The following ZNRF2 variants were observed in gnomAD, a reference collection of about 807,000 sequenced individuals.
The protein encoded by ZNRF2 is zinc and ring finger 2, also known as E3 ubiquitin-protein ligase ZNRF2.
ZNRF2 carries 16 observed loss-of-function variants against 20.4 expected under a neutral mutation model. The observed-to-expected ratio is 0.79, with a 90% CI of 0.53 to 1.19. The LOEUF is 1.19. ZNRF2 is among the 50% of genes most tolerant of loss of function. The probability of loss-of-function intolerance (pLI) is 0.00; values close to 1 mark genes in which losing one functional copy is unlikely to be tolerated. For synonymous variants in ZNRF2, 178 were observed against 144.9 expected (o/e 1.23, Z -1.64); for missense variants, 363 against 332.4 (o/e 1.09, Z -0.72).
chr7:30,347,212 C>T (rs1373189057), intron 2 of ZNRF2, among the ~76,000 whole-genome samples: 1 of 152,094 alleles, frequency 6.6e-6, no homozygotes, highest in Non-Finnish European at 1.5e-5. Context: ...TTACCTATGT[C>T]GGTCATACTG....
intron 3 of ZNRF2, among the ~76,000 whole-genome samples, chr7:30,357,976 A>G (rs985710980): frequency 3.3e-5 from 5 of 152,200 alleles, no homozygotes; most frequent in Non-Finnish European, 7.4e-5. Flanking sequence ...ATAAGTATCT[A>G]ACAATATATA....
intron 2 of ZNRF2, among the ~76,000 whole-genome samples, chr7:30,324,572 AAAAC>A (rs201136601): frequency 0.018 from 2,741 of 151,686 alleles, 89 homozygotes; most frequent in African/African-American, 0.062. Context: ...AAAAAAAACA[AAAAC>A]AAACAAACAA....
intron 1 of ZNRF2, among the ~76,000 whole-genome samples, chr7:30,311,264 G>A (rs1799288347): frequency 6.6e-6 from 1 of 152,154 alleles, no homozygotes; most frequent in Non-Finnish European, 1.5e-5. Flanking sequence ...TACCCCGAGT[G>A]TAATTTCTTT....
At chr7:30,349,893 G>A (rs141754543) in intron 2 of ZNRF2, among the ~76,000 whole-genome samples, 1 of 151,952 alleles carries the variant, frequency 6.6e-6, no homozygotes, top group East Asian at 1.9e-4. Context: ...ATTTGTTTAG[G>A]TTTTAACAAA....
chr7:30,317,618 A>G (rs1799397959), intron 1 of ZNRF2, among the ~76,000 whole-genome samples: 2 of 152,242 alleles, frequency 1.3e-5, no homozygotes, highest in Admixed American at 6.5e-5. Context: ...AGCCTTGTAC[A>G]GGGAATGGTG....
rs1289399991 is a variant in ZNRF2, at chr7:30,285,387, C to G, written c.30C>G (p.Ala10=). The G allele has an allele frequency of 8.0e-7, 1 of 1,242,978 alleles. No individual in the cohort carries two copies. The highest frequency in any genetic ancestry group is 1.0e-6 in the Non-Finnish European group (1 of 976,496). 77.0% of individuals were successfully genotyped at this position (1,242,978 alleles called of 1,614,324 possible). The change falls in exon 1 of 5, where the codon GCC becomes GCG. Residue 10 remains alanine, a synonymous_variant. Coordinates refer to ENST00000323037, the MANE Select transcript of ZNRF2 (RefSeq NM_147128.4). The part of the protein sequence containing the change: MGAKQSGPA[A]ANGRTRAYSG... Reference sequence around the variant, plus strand: ...GCGCCAAACAGAGCGGCCCGGCCGCCGCTAACGGCCGCACGCGCGCGTACT... The same window carrying G: ...GCGCCAAACAGAGCGGCCCGGCCGCGGCTAACGGCCGCACGCGCGCGTACT...
At chr7:30,291,497 C>T (rs1798909978) in intron 1 of ZNRF2, among the ~76,000 whole-genome samples, 1 of 152,218 alleles carries the variant, frequency 6.6e-6, no homozygotes, top group Admixed American at 6.5e-5. Flanking sequence ...TAGAAGATGC[C>T]TATGTTGAAA....
intron 1 of ZNRF2, among the ~76,000 whole-genome samples, chr7:30,290,584 G>C (rs1798882862): frequency 6.6e-6 from 1 of 152,170 alleles, no homozygotes; most frequent in Non-Finnish European, 1.5e-5. Flanking sequence ...TTACATAATC[G>C]TGTACATGTA....
Position 30,284,858 on chromosome 7 carries a change from G to C in ZNRF2, c.-500G>C, listed in dbSNP as rs1243705280. 2 of 224,384 alleles carry C rather than the reference G, an allele frequency of 8.9e-6. No homozygotes were observed. Among genetic ancestry groups the C allele is most frequent in the Non-Finnish European group, 9.3e-6 (1 of 106,988 alleles). The allele number at this position is 224,384 out of a possible 1,614,324, so 13.9% of individuals were successfully genotyped here. On this transcript the variant is annotated 5_prime_UTR_variant, in exon 1 of 5. Transcript: ENST00000323037. ...TAATAACAGCTGGGTGGCTGGGGGA[G>C]GAGGGAAGGTGGCCCCGGCGGAGTC...
chr7:30,336,655 A>G (rs2127950734), intron 2 of ZNRF2, among the ~76,000 whole-genome samples: 1 of 152,260 alleles, frequency 6.6e-6, no homozygotes, highest in South Asian at 2.1e-4. Context: ...TGTAGAAAAG[A>G]TACATTATAA....
chr7:30,315,175 C>T (rs1425726995), intron 1 of ZNRF2, among the ~76,000 whole-genome samples: 1 of 152,082 alleles, frequency 6.6e-6, no homozygotes, highest in Non-Finnish European at 1.5e-5. Context: ...TTTTGATTTG[C>T]TCATGGTACC....
chr7:30,335,207 C>T (rs1266771279), intron 2 of ZNRF2, among the ~76,000 whole-genome samples: 1 of 151,834 alleles, frequency 6.6e-6, no homozygotes, highest in Non-Finnish European at 1.5e-5. Context: ...TTATATTAGC[C>T]CTGCCTTTTG....
chr7:30,328,548 T>A (rs969608275), intron 2 of ZNRF2, among the ~76,000 whole-genome samples: 18 of 152,222 alleles, frequency 1.2e-4, no homozygotes, highest in African/African-American at 4.3e-4. Context: ...TTCTTCAGAC[T>A]GGATATATTT....
intron 2 of ZNRF2, among the ~76,000 whole-genome samples, chr7:30,349,016 C>T (rs1239467523): frequency 6.6e-6 from 1 of 152,100 alleles, no homozygotes; most frequent in African/African-American, 2.4e-5. Flanking sequence ...AATGATAGTT[C>T]TGATGTAACA....
chr7:30,362,551 G>C (rs1283769866), intron 4 of ZNRF2, 95 bp downstream of exon 4: 2 of 630,570 alleles, frequency 3.2e-6, no homozygotes, highest in Non-Finnish European at 5.3e-6. Context: ...TGAGGTGCAT[G>C]AGTGTGTATG....
chr7:30,285,611 G>T lies in ZNRF2; in HGVS notation c.254G>T (p.Gly85Val). 2.5e-6 allele frequency: 3 copies of T among 1,195,150 alleles called. No homozygotes were observed. The highest frequency in any genetic ancestry group is 3.1e-6 in the Non-Finnish European group (3 of 965,122). The allele number at this position is 1,195,150 out of a possible 1,614,324, so 74.0% of individuals were successfully genotyped here. The change falls in exon 1 of 5, where the codon GGG (glycine) becomes GTG (valine). Residue 85 changes from glycine to valine, a missense_variant. Transcript: ENST00000323037. ...GCCCCGCGCAGCCGCTCCCTCGGCG[G>T]GGCCGTGGGGAGCGTGGCGTCGGGG... Reference protein sequence around the residue: ...PAAPRSRSLGGAVGSVASGAR... With the variant: ...PAAPRSRSLGVAVGSVASGAR...
chr7:30,343,539 C>T (rs1193753316), intron 2 of ZNRF2, among the ~76,000 whole-genome samples: 1 of 151,994 alleles, frequency 6.6e-6, no homozygotes, highest in African/African-American at 2.4e-5. Context: ...TGGGTATAAA[C>T]ATAACTATTA....
intron 1 of ZNRF2, among the ~76,000 whole-genome samples, chr7:30,287,128 A>G (rs915619881): frequency 6.6e-6 from 1 of 152,148 alleles, no homozygotes; most frequent in African/African-American, 2.4e-5. Flanking sequence ...ATCCCTCTTA[A>G]AATTGGGCTA....
chr7:30,362,059 T>C (rs781522182), intron 3 of ZNRF2, among the ~76,000 whole-genome samples: 1 of 152,180 alleles, frequency 6.6e-6, no homozygotes, highest in South Asian at 2.1e-4. Context: ...AATAACTGTT[T>C]TGAAAAGAAA....
Sources: gnomAD v4.1 joint callset for allele counts (sites outside exome capture counted in the v4.1 genomes callset) on GRCh38, gnomAD v4.1.1 for gene constraint, MANE v1.5 for transcripts, NCBI Gene and HGNC (gene_info 2026-07-23, HGNC 2026-07-21) for gene names.